Variants in QTMAN observed in about 807,000 individuals in gnomAD.
QTMAN encodes tRNA-queuosine alpha-mannosyltransferase.
the QTMAN span, among the ~76,000 whole-genome samples, chr2:144,090,675 A>G: frequency 6.6e-6 from 1 of 152,096 alleles, no homozygotes; most frequent in Non-Finnish European, 1.5e-5. Flanking sequence ...AATATATCTT[A>G]TACATCTTTT....
chr2:144,124,094 T>C, the QTMAN span, among the ~76,000 whole-genome samples: 4 of 152,130 alleles, frequency 2.6e-5, no homozygotes, highest in Non-Finnish European at 5.9e-5. Flanking sequence ...CAGAAGAACA[T>C]ACAAATTATC....
the QTMAN span, among the ~76,000 whole-genome samples, chr2:144,241,332 T>C: frequency 6.6e-6 from 1 of 152,202 alleles, no homozygotes; most frequent in African/African-American, 2.4e-5. Flanking sequence ...CTCCACAATT[T>C]ACTAGCTATA....
the QTMAN span, among the ~76,000 whole-genome samples, chr2:144,087,866 GA>G: frequency 2.0e-5 from 3 of 152,116 alleles, no homozygotes; most frequent in South Asian, 6.2e-4. Context: ...AAAGCTGAAA[GA>G]AAGCCTTTCC....
the QTMAN span, among the ~76,000 whole-genome samples, chr2:144,261,217 C>T: frequency 3.9e-5 from 6 of 152,062 alleles, no homozygotes; most frequent in African/African-American, 1.4e-4. Flanking sequence ...TTTCTAATTC[C>T]TCATCTCATA....
At chr2:144,287,343 G>A in the QTMAN span, among the ~76,000 whole-genome samples, 4 of 151,818 alleles carry the variant, frequency 2.6e-5, no homozygotes, top group South Asian at 2.1e-4. Flanking sequence ...GCTGAGGCAG[G>A]AGAATGGCGT....
chr2:144,066,920 A>G, the QTMAN span, among the ~76,000 whole-genome samples: 1 of 152,148 alleles, frequency 6.6e-6, no homozygotes, highest in Non-Finnish European at 1.5e-5. Flanking sequence ...TCTATCCTTC[A>G]AGTTGCTCAG....
the QTMAN span, among the ~76,000 whole-genome samples, chr2:143,964,904 T>G: frequency 1.3e-5 from 2 of 152,144 alleles, no homozygotes; most frequent in Non-Finnish European, 2.9e-5. Flanking sequence ...AAACTCCTTT[T>G]CCCACCATGT....
chr2:144,245,262 T>C, the QTMAN span, among the ~76,000 whole-genome samples: 2 of 152,228 alleles, frequency 1.3e-5, no homozygotes, highest in African/African-American at 4.8e-5. Flanking sequence ...TGTCATATGG[T>C]ACATCTTTTT....
At chr2:144,179,660 T>A in the QTMAN span, among the ~76,000 whole-genome samples, 13 of 152,118 alleles carry the variant, frequency 8.5e-5, no homozygotes, top group African/African-American at 2.9e-4. Flanking sequence ...GTAGTCCTGA[T>A]GCAAACAGAA....
chr2:144,050,785 AC>A, the QTMAN span, among the ~76,000 whole-genome samples: 1 of 151,720 alleles, frequency 6.6e-6, no homozygotes, highest in African/African-American at 2.4e-5. Flanking sequence ...CAGTCAGCAC[AC>A]ACACACACAC....
the QTMAN span, among the ~76,000 whole-genome samples, chr2:144,217,262 T>C: frequency 2.0e-5 from 3 of 152,198 alleles, no homozygotes; most frequent in Admixed American, 6.5e-5. Flanking sequence ...ATCGGCATCA[T>C]AGAGTAAGTG....
At chr2:144,185,169 A>G in the QTMAN span, among the ~76,000 whole-genome samples, 4 of 152,206 alleles carry the variant, frequency 2.6e-5, no homozygotes, top group Non-Finnish European at 5.9e-5. Flanking sequence ...TCTCATTTGG[A>G]TTAACTTCAC....
the QTMAN span, among the ~76,000 whole-genome samples, chr2:143,998,518 A>T: frequency 6.6e-6 from 1 of 152,046 alleles, no homozygotes; most frequent in Non-Finnish European, 1.5e-5. Context: ...GTAAAAAAAA[A>T]AAAAATAAAT....
At chr2:144,133,161 A>AAT in the QTMAN span, among the ~76,000 whole-genome samples, 4 of 67,908 alleles carry the variant, frequency 5.9e-5, no homozygotes, top group Non-Finnish European at 1.0e-4. Flanking sequence ...AATATAATAT[A>AAT]ATATATATAT....
At chr2:144,145,148 C>G in the QTMAN span, among the ~76,000 whole-genome samples, 1 of 149,652 alleles carries the variant, frequency 6.7e-6, no homozygotes, top group Non-Finnish European at 1.5e-5. Context: ...GACAAAACCC[C>G]AAGTTGCTCC....
the QTMAN span, among the ~76,000 whole-genome samples, chr2:144,038,612 TGAG>T: frequency 6.6e-6 from 1 of 152,172 alleles, no homozygotes; most frequent in Non-Finnish European, 1.5e-5. Context: ...TCCTGCTGTC[TGAG>T]GAGCTTACAA....
At chr2:144,280,912 TTTATTA>T in the QTMAN span, among the ~76,000 whole-genome samples, 1 of 152,004 alleles carries the variant, frequency 6.6e-6, no homozygotes, top group African/African-American at 2.4e-5. Context: ...TTTTTTTAAT[TTTATTA>T]TTATTATACT....
chr2:143,993,857 T>C, the QTMAN span, among the ~76,000 whole-genome samples: 5 of 152,132 alleles, frequency 3.3e-5, no homozygotes, highest in African/African-American at 1.2e-4. Context: ...AGGGAATAAA[T>C]GTACCACTCA....
chr2:144,295,373 C>G, the QTMAN span: 1 of 152,186 alleles, frequency 6.6e-6, no homozygotes, highest in African/African-American at 2.4e-5. Flanking sequence ...CCACTGTATC[C>G]CCAGTGCCTG....
Sources: allele counts gnomAD v4.1 joint callset (sites outside exome capture counted in the v4.1 genomes callset), GRCh38; gene constraint gnomAD v4.1.1; transcripts MANE v1.5; gene names NCBI Gene and HGNC (gene_info 2026-07-23, HGNC 2026-07-21).